PPP4R3B: variants seen among roughly 807,000 people sequenced by gnomAD.
PPP4R3B encodes the protein serine/threonine-protein phosphatase 4 regulatory subunit 3B.
In PPP4R3B, 52 loss-of-function variants were observed where a neutral mutation model predicts 95.4. The ratio of observed to expected loss-of-function variants is 0.54; its 90% CI spans 0.44 to 0.69. PPP4R3B has a LOEUF of 0.69. Among genes scored for constraint, PPP4R3B ranks in the 30% least tolerant of loss-of-function variants. The pLI, the probability that PPP4R3B is intolerant of heterozygous loss-of-function variation, is 0.00. For synonymous variants in PPP4R3B, 407 were observed against 343.9 expected, an observed-to-expected ratio of 1.18 and a Z score of -2.03; for missense variants, 1,003 against 1,005.9, an observed-to-expected ratio of 1.00 and a Z score of 0.04.
chr2:55,558,821 G>C lies in PPP4R3B; in HGVS notation c.2408C>G (p.Ser803Cys). Residue 803 changes from serine (S) to cysteine (C), a missense_variant, in exon 16 of 17, where the codon TCC becomes TGC. By Grantham distance (112) the Ser-to-Cys change is moderately radical. This residue lies in a region of PPP4R3B where 229 missense variants were observed against 194.7 expected (regional missense o/e 1.18). Transcript: ENST00000616407. ...AQIPPATSNG[S>C]SSKTTNLPTS... ...AGGCAAGTTTGTGGTTTTGGAAGAG[G>C]ATCCATTAGAAGTTGCTGGTGGTAT... 2 of 1,612,904 alleles carry C rather than the reference G, an allele frequency of 1.2e-6. No homozygotes were observed. The highest frequency in any genetic ancestry group is 1.7e-6 in the Non-Finnish European group (2 of 1,179,320).
rs377399177 is a variant in PPP4R3B, at chr2:55,550,020, T to C, written c.2455-14A>G. On this transcript the variant is annotated splice_polypyrimidine_tract_variant and intron_variant, in intron 16 of 16. Transcript: ENST00000616407. ...AACCAAACTTCCCTATTGAAGAATT[T>C]AAAAATTTTTTCTTTAAACATATAT... is the stretch of plus-strand genomic sequence containing the variant. 7.0e-6 allele frequency: 11 copies of C among 1,579,002 alleles called. No homozygotes were observed. In the Admixed American group the frequency reaches 1.4e-4, roughly 19 times the overall value.
rs1684842859 is a variant in PPP4R3B, at chr2:55,547,377, C to G, written c.*2534G>C. On this transcript the variant is annotated 3_prime_UTR_variant, in exon 17 of 17. Coordinates refer to ENST00000616407, the MANE Select transcript of PPP4R3B (RefSeq NM_001122964.3). Reference sequence around the variant, plus strand: ...CCATTTTAAGAAGACCTAAGGCATACAAATGTGGGCTTTTGGCTTGCTTCA... The same window carrying G: ...CCATTTTAAGAAGACCTAAGGCATAGAAATGTGGGCTTTTGGCTTGCTTCA... The G allele has an allele frequency of 6.6e-6, 1 of 152,178 alleles. No homozygotes were observed. Among genetic ancestry groups the G allele is most frequent in the Admixed American group, 6.6e-5 (1 of 15,260 alleles). 9.4% of individuals were successfully genotyped at this position (152,178 alleles called of 1,614,324 possible). A position where few individuals can be genotyped will look rare whatever the true frequency, so the allele number is the denominator to read the frequency against.
chr2:55,586,840 C>CT (rs1690210990), intron 5 of PPP4R3B, 106 bp from the exon 6 acceptor site: 1 of 596,144 alleles, frequency 1.7e-6, no homozygotes, highest in Non-Finnish European at 2.9e-6. Context: ...AGGATCTCAT[C>CT]TTTTTGGAGT....
intron 8 of PPP4R3B, 23 bp from the exon 9 acceptor site, chr2:55,579,804 C>T (rs775308196): frequency 6.9e-7 from 1 of 1,445,544 alleles, no homozygotes; most frequent in Admixed American, 1.8e-5. Context: ...ATTTTTTAAA[C>T]AATACTGTTA....
chr2:55,551,476 C>T (rs553503487), intron 16 of PPP4R3B, among the ~76,000 whole-genome samples: 7 of 152,206 alleles, frequency 4.6e-5, no homozygotes, highest in East Asian at 3.9e-4. Context: ...GATGGCCAGG[C>T]GCAGTGGCTC....
intron 8 of PPP4R3B, 92 bp from the exon 9 acceptor site, chr2:55,579,873 C>A: frequency 2.9e-6 from 2 of 686,926 alleles, no homozygotes; most frequent in African/African-American, 1.8e-5. Context: ...AGAACCAAAC[C>A]AAAACAAAAA....
At chr2:55,574,887 C>A (rs906798617) in intron 11 of PPP4R3B, among the ~76,000 whole-genome samples, 1 of 151,506 alleles carries the variant, frequency 6.6e-6, no homozygotes, top group African/African-American at 2.4e-5. Context: ...AGCCACTGCG[C>A]CCAGCCTGAT....
Position 55,564,391 on chromosome 2 carries a change from C to G in PPP4R3B, c.2182G>C (p.Val728Leu), listed in dbSNP as rs143223785. The change falls in exon 15 of 17, where the codon GTT becomes CTT. Residue 728 changes from valine to leucine, a missense_variant. This residue lies in a region of PPP4R3B where 229 missense variants were observed against 194.7 expected (regional missense o/e 1.18). Coordinates refer to ENST00000616407, the MANE Select transcript of PPP4R3B (RefSeq NM_001122964.3). ...TTAGGTTTTTCCACTGGTGCCACAA[C>G]TGCTTTTCCTTCCTCTTCTTCATCT... The part of the protein sequence containing the change: ...NEDEEEEGKA[V>L]VAPVEKPKPE... The G allele has an allele frequency of 3.7e-6, 6 of 1,613,796 alleles. No individual in the cohort carries two copies. In the African/African-American group the frequency reaches 5.3e-5, roughly 14 times the overall value.
chr2:55,550,721 A>G (rs939352373), intron 16 of PPP4R3B, among the ~76,000 whole-genome samples: 1 of 152,186 alleles, frequency 6.6e-6, no homozygotes, highest in African/African-American at 2.4e-5. Flanking sequence ...TACTGTAAAC[A>G]CTGTATTTAG....
intron 4 of PPP4R3B, among the ~76,000 whole-genome samples, chr2:55,589,471 GCA>G (rs1165621050): frequency 1.8e-4 from 28 of 152,152 alleles, no homozygotes; most frequent in Admixed American, 6.5e-4. Context: ...ACCAACTGGT[GCA>G]CAGTTTTACA....
At chr2:55,602,773 C>G (rs921150205) in intron 3 of PPP4R3B, among the ~76,000 whole-genome samples, 6 of 152,138 alleles carry the variant, frequency 3.9e-5, no homozygotes, top group African/African-American at 1.4e-4. Context: ...CACCTTTTCC[C>G]ACTGGTTATT....
At chr2:55,615,288 CT>C (rs70954138) in intron 2 of PPP4R3B, 162 bp downstream of exon 2, 4 of 602,768 alleles carry the variant, frequency 6.6e-6, no homozygotes, top group African/African-American at 3.8e-5. Context: ...AGTACAAAAA[CT>C]TTTTTTCAGT....
chr2:55,558,701 AT>A, intron 16 of PPP4R3B, 73 bp downstream of exon 16: 1 of 1,211,596 alleles, frequency 8.3e-7, no homozygotes, highest in Non-Finnish European at 1.1e-6. Flanking sequence ...GATTATCCAA[AT>A]TTTTTTCAGT....
chr2:55,560,549 CA>C (rs1469558898), intron 15 of PPP4R3B, among the ~76,000 whole-genome samples: 1 of 152,020 alleles, frequency 6.6e-6, no homozygotes, highest in Non-Finnish European at 1.5e-5. Context: ...GAGGCTGAGA[CA>C]AGCGGATCAC....
In PPP4R3B at chr2:55,617,301, C is replaced by T. The variant is rs747709664; in HGVS notation, c.-16G>A. ...TATCCGACATGGTGGCTGCTGTCTC[C>T]ACCGCTCTAGCCGCCGCCTCCTCGC... On this transcript the variant is annotated 5_prime_UTR_variant, in exon 1 of 17. Coordinates refer to ENST00000616407, the MANE Select transcript of PPP4R3B (RefSeq NM_001122964.3). The T allele has an allele frequency of 1.9e-6, 3 of 1,580,232 alleles. No homozygotes were observed. Among genetic ancestry groups the T allele is most frequent in the African/African-American group, 1.4e-5 (1 of 73,986 alleles).
chr2:55,575,094 C>T lies in PPP4R3B; in HGVS notation c.1607-1317G>A, dbSNP rs978076778. Among the ~76,000 whole-genome samples, 15 of 151,188 alleles carry T rather than the reference C, an allele frequency of 9.9e-5. 1 individual carries two copies. Among genetic ancestry groups the T allele is most frequent in the East Asian group, 2.0e-4 (1 of 5,076 alleles). ...CTGGGACTACAGGCGCCCGCCACAACGCCCGGCTAATTTTTTTTTGTGTTT... is the reference window on the plus strand; with the variant it reads ...CTGGGACTACAGGCGCCCGCCACAATGCCCGGCTAATTTTTTTTTGTGTTT... On this transcript the variant is annotated intron_variant, in intron 11 of 16. Coordinates refer to ENST00000616407, the MANE Select transcript of PPP4R3B (RefSeq NM_001122964.3).
chr2:55,604,214 G>C (rs141941544), intron 2 of PPP4R3B, 138 bp from the exon 3 acceptor site: 2 of 486,954 alleles, frequency 4.1e-6, no homozygotes, highest in Non-Finnish European at 7.0e-6. Flanking sequence ...TATCTGATTG[G>C]CATTATTAGT....
chr2:55,571,258 T>C (rs944452848), intron 12 of PPP4R3B, among the ~76,000 whole-genome samples: 37 of 151,880 alleles, frequency 2.4e-4, no homozygotes, highest in African/African-American at 8.5e-4. Context: ...TGCAGTGAGC[T>C]GAGACTGTGC....
chr2:55,606,569 C>T (rs1693425181), intron 2 of PPP4R3B, among the ~76,000 whole-genome samples: 2 of 151,970 alleles, frequency 1.3e-5, no homozygotes, highest in Non-Finnish European at 2.9e-5. Flanking sequence ...CACCTGTAAT[C>T]CCAGCACTTT....
Sources: allele counts gnomAD v4.1 joint callset (sites outside exome capture counted in the v4.1 genomes callset), GRCh38; gene constraint gnomAD v4.1.1; regional missense constraint gnomAD v4.1.1; transcripts MANE v1.5; gene names NCBI Gene and HGNC (gene_info 2026-07-23, HGNC 2026-07-21).